CSMD1: variants seen among roughly 807,000 people sequenced by gnomAD.
CSMD1 encodes CUB and sushi domain-containing protein 1.
In CSMD1, 213 loss-of-function variants were observed where a neutral mutation model predicts 417.5. That is an observed-to-expected ratio of 0.51 (90% CI 0.46 to 0.57). The LOEUF is 0.57. Ranked by LOEUF, CSMD1 falls within the 20% of genes least tolerant of loss-of-function variation. The pLI, the probability that CSMD1 is intolerant of heterozygous loss-of-function variation, is 0.00. For missense variants in CSMD1, 6,923 were observed against 4,529.7 expected (o/e 1.53, Z -15.17); for synonymous variants, 2,862 against 1,736.8 (o/e 1.65, Z -16.11).
intron 42 of CSMD1, among the ~76,000 whole-genome samples, chr8:3,116,398 T>A (rs1406599345): frequency 1.3e-5 from 2 of 152,188 alleles, no homozygotes; most frequent in African/African-American, 4.8e-5. Flanking sequence ...CTGCCACATG[T>A]GTCTTTTCCC....
At chr8:4,445,836 A>T (rs1484149239) in intron 2 of CSMD1, among the ~76,000 whole-genome samples, 1 of 152,248 alleles carries the variant, frequency 6.6e-6, no homozygotes, top group Non-Finnish European at 1.5e-5. Flanking sequence ...CTACTTAGTA[A>T]TTAACATCTT....
intron 17 of CSMD1, among the ~76,000 whole-genome samples, chr8:3,388,896 T>C (rs1433534969): frequency 6.8e-6 from 1 of 147,638 alleles, no homozygotes; most frequent in East Asian, 2.1e-4. Flanking sequence ...CACACATGCA[T>C]ACACACACAC....
chr8:4,092,276 T>TGA (rs1413847969), intron 3 of CSMD1, among the ~76,000 whole-genome samples: 1 of 152,096 alleles, frequency 6.6e-6, no homozygotes, highest in Non-Finnish European at 1.5e-5. Context: ...TCCAACCAAC[T>TGA]GAGTATGGGA....
intron 7 of CSMD1, among the ~76,000 whole-genome samples, chr8:3,659,307 G>C (rs938621679): frequency 6.6e-6 from 1 of 152,144 alleles, no homozygotes; most frequent in African/African-American, 2.4e-5. Flanking sequence ...GACAAATTGT[G>C]TAGTTATTGT....
chr8:3,486,399 T>G (rs1413762100), intron 11 of CSMD1, among the ~76,000 whole-genome samples: 1 of 152,178 alleles, frequency 6.6e-6, no homozygotes, highest in Non-Finnish European at 1.5e-5. Flanking sequence ...CTCCCCAAAA[T>G]AGTAGCATCC....
intron 5 of CSMD1, among the ~76,000 whole-genome samples, chr8:3,948,622 T>TA (rs1811400391): frequency 6.6e-6 from 1 of 152,198 alleles, no homozygotes; most frequent in Admixed American, 6.5e-5. Context: ...TCCACATACT[T>TA]ACTGCTTTCC....
At chr8:3,276,814 T>C (rs11778034) in intron 26 of CSMD1, among the ~76,000 whole-genome samples, 28,174 of 152,106 alleles carry the variant, frequency 0.19, 2,959 homozygotes, top group East Asian at 0.3. Flanking sequence ...GTGGAAAATT[T>C]TCACGCATAT....
intron 3 of CSMD1, among the ~76,000 whole-genome samples, chr8:4,284,735 A>T (rs1478648432): frequency 6.6e-6 from 1 of 152,142 alleles, no homozygotes; most frequent in African/African-American, 2.4e-5. Context: ...GGGTAACTCC[A>T]TGTGTCAGAT....
chr8:4,111,260 T>C (rs780998557), intron 3 of CSMD1, among the ~76,000 whole-genome samples: 4 of 152,186 alleles, frequency 2.6e-5, no homozygotes, highest in Non-Finnish European at 4.4e-5. Flanking sequence ...ATCAGTCAGT[T>C]TGTTTTAGAT....
chr8:4,770,409 T>A lies in CSMD1; in HGVS notation c.86-132851A>T, dbSNP rs555392722. Reference sequence around the variant, plus strand: ...TTAAGCTTTTATATATTATATATATTTCCTAATTCTTATCAAAATCCCAAT... The same window carrying A: ...TTAAGCTTTTATATATTATATATATATCCTAATTCTTATCAAAATCCCAAT... On this transcript the variant is annotated intron_variant, in intron 1 of 69. Transcript: ENST00000635120. Among the ~76,000 whole-genome samples the A allele has an allele frequency of 4.0e-5, 6 of 149,804 alleles. No homozygotes were observed. In the South Asian group the frequency reaches 8.3e-4, roughly 21 times the overall value.
chr8:3,575,192 G>T (rs888407771), intron 9 of CSMD1, 126 bp from the exon 10 acceptor site: 1 of 925,674 alleles, frequency 1.1e-6, no homozygotes. Context: ...AAAAAATGGT[G>T]CATGGACTCC....
intron 5 of CSMD1, among the ~76,000 whole-genome samples, chr8:3,960,493 C>T (rs747469840): frequency 6.6e-6 from 1 of 152,088 alleles, no homozygotes; most frequent in Non-Finnish European, 1.5e-5. Flanking sequence ...AAGACTGATT[C>T]TTATAAATAT....
chr8:4,771,879 T>C (rs1186091109), intron 1 of CSMD1, among the ~76,000 whole-genome samples: 2 of 152,150 alleles, frequency 1.3e-5, no homozygotes, highest in African/African-American at 4.8e-5. Context: ...CTCAAAGCGG[T>C]GGGCATGAAG....
intron 7 of CSMD1, among the ~76,000 whole-genome samples, chr8:3,644,861 T>C (rs6982817): frequency 0.023 from 3,466 of 151,206 alleles, 134 homozygotes; most frequent in African/African-American, 0.081. Context: ...TCCTAAGAGA[T>C]TGCTGTTGGG....
At chr8:4,011,998 A>C (rs1368469666) in intron 4 of CSMD1, among the ~76,000 whole-genome samples, 1 of 151,292 alleles carries the variant, frequency 6.6e-6, no homozygotes, top group Non-Finnish European at 1.5e-5. Context: ...TGGCTGTTAT[A>C]CTGTATTGTT....
chr8:3,326,243 G>A (rs985351675), intron 23 of CSMD1, among the ~76,000 whole-genome samples: 6 of 152,230 alleles, frequency 3.9e-5, no homozygotes, highest in African/African-American at 1.4e-4. Flanking sequence ...TAAACTGTAA[G>A]AGACTGGAAT....
chr8:3,831,629 T>C (rs917361048), intron 5 of CSMD1, among the ~76,000 whole-genome samples: 2 of 152,188 alleles, frequency 1.3e-5, no homozygotes, highest in Admixed American at 6.5e-5. Context: ...GCACTACTTA[T>C]GGGTTTTCCT....
intron 1 of CSMD1, among the ~76,000 whole-genome samples, chr8:4,742,392 G>C (rs1035056452): frequency 6.6e-5 from 10 of 151,854 alleles, no homozygotes; most frequent in Admixed American, 6.6e-4. Context: ...ATTTAAGACT[G>C]CTGTTTTAAA....
chr8:4,385,212 GCCACTGCA>G (rs1239545250), intron 3 of CSMD1, among the ~76,000 whole-genome samples: 1 of 152,186 alleles, frequency 6.6e-6, no homozygotes, highest in African/African-American at 2.4e-5. Flanking sequence ...ACAGGCATGA[GCCACTGCA>G]CCCGGCCACA....
Sources: allele counts gnomAD v4.1 joint callset (sites outside exome capture counted in the v4.1 genomes callset), GRCh38; gene constraint gnomAD v4.1.1; transcripts MANE v1.5; gene names NCBI Gene and HGNC (gene_info 2026-07-23, HGNC 2026-07-21).